The following RBFOX3 variants were observed in gnomAD, a reference collection of about 807,000 sequenced individuals.
RBFOX3 encodes RNA binding protein fox-1 homolog 3.
In RBFOX3, 17 loss-of-function variants were observed where a neutral mutation model predicts 48.7. That is an observed-to-expected ratio of 0.35 (90% CI 0.24 to 0.52). The LOEUF (loss-of-function observed/expected upper bound fraction) is 0.52, where lower values mean the gene tolerates loss of function less well. RBFOX3 is among the 20% of genes least tolerant of loss of function. The probability of loss-of-function intolerance (pLI) is 0.94; values close to 1 mark genes in which losing one functional copy is unlikely to be tolerated. For missense variants in RBFOX3, 382 were observed against 497.5 expected, an observed-to-expected ratio of 0.77 and a Z score of 2.21; for synonymous variants, 212 against 209.5, an observed-to-expected ratio of 1.01 and a Z score of -0.10.
Position 79,243,365 on chromosome 17 carries a change from C to T in RBFOX3, c.-73-7560G>A, listed in dbSNP as rs1188767379. On this transcript the variant is annotated intron_variant, in intron 3 of 14. Transcript: ENST00000693108. The surrounding 1 kb of genome is among the most constrained non-coding windows in gnomAD (Gnocchi z 7.9). ...TTTTGCTCATTGCCGGGTCTAACTC[C>T]AACCTGCCTCCCACCCCAGCACTTG... 6.6e-6 allele frequency among the ~76,000 whole-genome samples: 1 copy of T among 152,190 alleles called. No individual in the cohort carries two copies. The highest frequency in any genetic ancestry group is 1.5e-5 in the Non-Finnish European group (1 of 68,034).
At chr17:79,138,959 C>T (rs1390965728) in intron 4 of RBFOX3, among the ~76,000 whole-genome samples, 4 of 136,960 alleles carry the variant, frequency 2.9e-5, no homozygotes, top group Admixed American at 2.2e-4. Flanking sequence ...CAGCCCCACA[C>T]ATGCACACAG....
intron 4 of RBFOX3, among the ~76,000 whole-genome samples, chr17:79,173,822 A>G (rs534043099): frequency 2.0e-5 from 3 of 150,142 alleles, no homozygotes; most frequent in Admixed American, 2.0e-4. Context: ...TCATCCACCT[A>G]TCGGAATGGA....
At chr17:79,113,162 G>A (rs1300098283) in intron 5 of RBFOX3, among the ~76,000 whole-genome samples, 1 of 152,138 alleles carries the variant, frequency 6.6e-6, no homozygotes. Context: ...CAGGGACAGG[G>A]TCTGGGGACA....
In RBFOX3 at chr17:79,097,459, G is replaced by C. The variant is rs949812203; in HGVS notation, c.623-35C>G. ...ACGGGGCCCGAGACACGTGTGAGAG[G>C]CACAAGGGGACCCACCTGGCACCCC... On this transcript the variant is annotated intron_variant, in intron 10 of 14. Transcript: ENST00000693108. The C allele has an allele frequency of 1.4e-5, 21 of 1,512,774 alleles. No individual in the cohort carries two copies. The African/African-American group carries it at 2.5e-4, about 18-fold the overall frequency. The allele number at this position is 1,512,774 out of a possible 1,614,324, so 93.7% of individuals were successfully genotyped here.
intron 1 of RBFOX3, among the ~76,000 whole-genome samples, chr17:79,515,479 G>T (rs1284288899): frequency 1.3e-5 from 2 of 151,796 alleles, no homozygotes; most frequent in African/African-American, 4.8e-5. Context: ...CTCATCGACA[G>T]GGTTACAAGA....
At chr17:79,622,164 C>A in the RBFOX3 span, among the ~76,000 whole-genome samples, 2 of 152,200 alleles carry the variant, frequency 1.3e-5, no homozygotes, top group African/African-American at 4.8e-5. Flanking sequence ...CAGGCTAACC[C>A]AGTCACCACC....
At chr17:79,528,279 T>C (rs1314346754) in intron 1 of RBFOX3, among the ~76,000 whole-genome samples, 1 of 151,204 alleles carries the variant, frequency 6.6e-6, no homozygotes, top group African/African-American at 2.4e-5. Context: ...AGGATCTTAG[T>C]TGAACCTCTG....
At chr17:79,462,813 T>C (rs2075552345) in intron 2 of RBFOX3, among the ~76,000 whole-genome samples, 1 of 152,176 alleles carries the variant, frequency 6.6e-6, no homozygotes, top group African/African-American at 2.4e-5. Flanking sequence ...TTAGCTGCCA[T>C]ATTGAAAGCT....
rs1451222164 is a variant in RBFOX3, at chr17:79,103,348, G to A, written c.415-94C>T. 4.9e-6 allele frequency: 4 copies of A among 818,888 alleles called. No individual in the cohort carries two copies. The highest frequency in any genetic ancestry group is 8.2e-6 in the Non-Finnish European group (4 of 489,936). The allele number at this position is 818,888 out of a possible 1,614,324, so 50.7% of individuals were successfully genotyped here. A position where few individuals can be genotyped will look rare whatever the true frequency, so the allele number is the denominator to read the frequency against. ...GAGGAAGAAGAGGAGTGGGAGGGGG[G>A]CAGGGGAGTGGGGAGAGAGAGAGAA... On this transcript the variant is annotated intron_variant, in intron 7 of 14. Transcript: ENST00000693108. The surrounding 1 kb of genome is among the most constrained non-coding windows in gnomAD (Gnocchi z 6.1).
At chr17:79,278,649 C>T (rs373357817) in intron 3 of RBFOX3, among the ~76,000 whole-genome samples, 88 of 152,352 alleles carry the variant, frequency 5.8e-4, no homozygotes, top group African/African-American at 1.9e-3. Context: ...AGCGGCAGCC[C>T]GCACGGCTTG....
At chr17:79,136,954 G>A (rs941641445) in intron 4 of RBFOX3, among the ~76,000 whole-genome samples, 1 of 152,078 alleles carries the variant, frequency 6.6e-6, no homozygotes, top group Non-Finnish European at 1.5e-5. Context: ...AGGGGCGTGG[G>A]GACAGCTTGT....
chr17:79,574,347 C>T (rs2092785728), intron 1 of RBFOX3, among the ~76,000 whole-genome samples: 1 of 152,166 alleles, frequency 6.6e-6, no homozygotes, highest in Non-Finnish European at 1.5e-5. Flanking sequence ...AAAGTCCCAG[C>T]TGCTAAAACA....
intron 2 of RBFOX3, among the ~76,000 whole-genome samples, chr17:79,375,690 A>G (rs2059143411): frequency 6.6e-6 from 1 of 152,158 alleles, no homozygotes; most frequent in Non-Finnish European, 1.5e-5. Context: ...CTTGGAGGCC[A>G]TAAGGGGCAC....
intron 2 of RBFOX3, among the ~76,000 whole-genome samples, chr17:79,339,829 C>G (rs1598316842): frequency 6.6e-6 from 1 of 152,334 alleles, no homozygotes; most frequent in African/African-American, 2.4e-5. Context: ...TAAAACAGGA[C>G]TGGATTGAAC....
chr17:79,488,236 C>T (rs906557430), intron 1 of RBFOX3, among the ~76,000 whole-genome samples: 1 of 152,204 alleles, frequency 6.6e-6, no homozygotes, highest in Non-Finnish European at 1.5e-5. Context: ...GGGACATCAC[C>T]AGTCCCTTAT....
chr17:79,332,139 C>T (rs1040232442), intron 2 of RBFOX3, among the ~76,000 whole-genome samples: 2 of 152,198 alleles, frequency 1.3e-5, no homozygotes, highest in Non-Finnish European at 2.9e-5. Context: ...CCCCTCTTAG[C>T]GGCTGCCTGC....
chr17:79,102,527 C>T lies in RBFOX3; in HGVS notation c.507+635G>A, dbSNP rs180716557. Reference sequence around the variant, plus strand: ...GGTACCCAGCTCCAGACACCCAGGCCGCAGCAAGGGAACACAGCCCACTGG... The same window carrying T: ...GGTACCCAGCTCCAGACACCCAGGCTGCAGCAAGGGAACACAGCCCACTGG... On this transcript the variant is annotated intron_variant, in intron 8 of 14. Transcript: ENST00000693108. Among the ~76,000 whole-genome samples, 831 of 152,316 alleles carry T rather than the reference C, an allele frequency of 5.5e-3. 7 individuals are homozygous for T. The highest frequency in any genetic ancestry group is 8.7e-3 in the Non-Finnish European group (595 of 68,024).
At chr17:79,264,226 C>T (rs796358217) in intron 3 of RBFOX3, among the ~76,000 whole-genome samples, 1 of 152,002 alleles carries the variant, frequency 6.6e-6, no homozygotes, top group African/African-American at 2.4e-5. Flanking sequence ...CAGGCACCTG[C>T]CACCACACCT....
intron 4 of RBFOX3, among the ~76,000 whole-genome samples, chr17:79,174,837 G>C (rs186526182): frequency 6.6e-4 from 100 of 152,352 alleles, no homozygotes; most frequent in Middle Eastern, 6.8e-3. Context: ...CTGAGGCCTA[G>C]GAGTAGGCGA....
Sources: allele counts gnomAD v4.1 joint callset (sites outside exome capture counted in the v4.1 genomes callset), GRCh38; gene constraint gnomAD v4.1.1; non-coding constraint Gnocchi (gnomAD v3.1); transcripts MANE v1.5; gene names NCBI Gene and HGNC (gene_info 2026-07-23, HGNC 2026-07-21).